Variants in TCF7L1 observed in about 807,000 individuals in gnomAD.
TCF7L1 encodes transcription factor 7-like 1.
TCF7L1 carries 18 observed loss-of-function variants against 63.7 expected under a neutral mutation model. The observed-to-expected ratio is 0.28, with a 90% CI of 0.20 to 0.42. The LOEUF (loss-of-function observed/expected upper bound fraction) is 0.42, where lower values mean the gene tolerates loss of function less well. TCF7L1 is among the 10% of genes least tolerant of loss of function. The pLI is 1.00. For missense variants in TCF7L1, 654 were observed against 779.3 expected (o/e 0.84, Z 1.91); for synonymous variants, 355 against 340.9 (o/e 1.04, Z -0.46).
At position 85,134,272 on chromosome 2, in the gene TCF7L1, G is replaced by T; in HGVS notation, c.314-51G>T. 1 of 1,518,830 alleles carries T rather than the reference G, an allele frequency of 6.6e-7. No individual in the cohort carries two copies. Among genetic ancestry groups the T allele is most frequent in the South Asian group, 1.3e-5 (1 of 80,000 alleles). 94.1% of individuals were successfully genotyped at this position (1,518,830 alleles called of 1,614,324 possible). A position where few individuals can be genotyped will look rare whatever the true frequency, so the allele number is the denominator to read the frequency against. On this transcript the variant is annotated intron_variant, in intron 2 of 11. Coordinates refer to ENST00000282111, the MANE Select transcript of TCF7L1 (RefSeq NM_031283.3). This position sits in a 1 kb window ranked among gnomAD's most constrained non-coding sequence, Gnocchi z 5.0. ...CCCGCCTCGAGCCCCCTGCCGCGGC[G>T]CTGTCAGTCCCGGGGGCCTGGGCCT...
chr2:85,212,058 C>G (rs1405400053), intron 3 of TCF7L1, among the ~76,000 whole-genome samples: 3 of 139,328 alleles, frequency 2.2e-5, no homozygotes, highest in Non-Finnish European at 4.6e-5. Context: ...CCGCTGCACT[C>G]CAGCCTGGGC....
At chr2:85,206,573 G>A (rs538018203) in intron 3 of TCF7L1, among the ~76,000 whole-genome samples, 32 of 152,280 alleles carry the variant, frequency 2.1e-4, no homozygotes, top group African/African-American at 7.5e-4. Flanking sequence ...CTCACAGCTA[G>A]CATGTGGCCG....
chr2:85,261,928 G>T (rs866331838), intron 3 of TCF7L1, among the ~76,000 whole-genome samples: 5 of 152,134 alleles, frequency 3.3e-5, no homozygotes, highest in Non-Finnish European at 4.4e-5. Context: ...TTGCCATCTT[G>T]TAATAACATA....
intron 3 of TCF7L1, among the ~76,000 whole-genome samples, chr2:85,221,895 T>G (rs1005552988): frequency 2.6e-5 from 4 of 151,374 alleles, no homozygotes; most frequent in African/African-American, 9.8e-5. Flanking sequence ...CATGTTAGAT[T>G]GACACCATGA....
intron 3 of TCF7L1, among the ~76,000 whole-genome samples, chr2:85,219,812 A>G (rs1679803700): frequency 6.6e-6 from 1 of 152,222 alleles, no homozygotes; most frequent in Admixed American, 6.5e-5. Context: ...TGATAATTGC[A>G]TTTGGTTATA....
intron 3 of TCF7L1, among the ~76,000 whole-genome samples, chr2:85,272,651 C>T (rs182316160): frequency 3.3e-5 from 5 of 152,080 alleles, no homozygotes; most frequent in Admixed American, 1.3e-4. Context: ...AAAAATTAGC[C>T]GGGTGGTGTG....
chr2:85,229,084 C>T (rs959000103), intron 3 of TCF7L1, among the ~76,000 whole-genome samples: 5 of 151,042 alleles, frequency 3.3e-5, no homozygotes, highest in Non-Finnish European at 7.4e-5. Flanking sequence ...CGGTGGCTCA[C>T]GCCTGTAATC....
At chr2:85,151,301 A>G (rs1252818458) in intron 3 of TCF7L1, among the ~76,000 whole-genome samples, 1 of 152,112 alleles carries the variant, frequency 6.6e-6, no homozygotes, top group Non-Finnish European at 1.5e-5. Context: ...GCTAAGTGCA[A>G]CCTCATGATA....
chr2:85,271,272 C>G (rs1305009020), intron 3 of TCF7L1, among the ~76,000 whole-genome samples: 6 of 152,112 alleles, frequency 3.9e-5, no homozygotes, highest in Non-Finnish European at 8.8e-5. Flanking sequence ...GCCACCACAC[C>G]CGGCTAATTT....
rs2583549 is a variant in TCF7L1 at position 85,192,661 on chromosome 2, G to A, written c.441+58211G>A. 5.3e-5 allele frequency among the ~76,000 whole-genome samples: 8 copies of A among 151,186 alleles called. No individual in the cohort carries two copies. The East Asian group carries it at 7.8e-4, about 15-fold the overall frequency. On this transcript the variant is annotated intron_variant, in intron 3 of 11. Transcript: ENST00000282111. ...GCCTCCCAGAGTGCTGGGATTACAC[G>A]TGTGAGCCGTGGCACCTGGCCTAAC... is the stretch of plus-strand genomic sequence containing the variant.
rs539599548 is a variant in TCF7L1 at position 85,194,850 on chromosome 2, C to T, written c.441+60400C>T. On this transcript the variant is annotated intron_variant, in intron 3 of 11. Coordinates refer to ENST00000282111, the MANE Select transcript of TCF7L1 (RefSeq NM_031283.3). Reference sequence around the variant, plus strand: ...GAGTCTCTGTTGCAAGCTTTTAGTTCGCAGGCACACTGGTTCAAGTTTAAT... The same window carrying T: ...GAGTCTCTGTTGCAAGCTTTTAGTTTGCAGGCACACTGGTTCAAGTTTAAT... 1.5e-3 allele frequency among the ~76,000 whole-genome samples: 235 copies of T among 152,268 alleles called. 1 individual carries two copies. Among genetic ancestry groups the T allele is most frequent in the African/African-American group, 5.3e-3 (219 of 41,562 alleles).
chr2:85,134,353 A>G lies in TCF7L1; in HGVS notation c.344A>G (p.Lys115Arg), dbSNP rs1016676180. ...VRRPQDSAFF[K>R]GPPYPGYPFL... ...AGGCCTCAGGACAGCGCGTTCTTTA[A>G]AGGACCCCCGTACCCTGGGTACCCC... The change falls in exon 3 of 12, where the codon AAA becomes AGA. Residue 115 changes from lysine to arginine, a missense_variant. Transcript: ENST00000282111. This position sits in a 1 kb window ranked among gnomAD's most constrained non-coding sequence, Gnocchi z 5.0. 1 of 1,584,476 alleles carries G rather than the reference A, an allele frequency of 6.3e-7. No individual in the cohort carries two copies. Among genetic ancestry groups the G allele is most frequent in the African/African-American group, 1.3e-5 (1 of 74,212 alleles).
At chr2:85,244,683 TG>T (rs1415133428) in intron 3 of TCF7L1, among the ~76,000 whole-genome samples, 3 of 151,702 alleles carry the variant, frequency 2.0e-5, no homozygotes, top group Admixed American at 2.0e-4. Context: ...GAGTGATAGG[TG>T]GGGTAATTGG....
chr2:85,274,652 C>T (rs1386020656), intron 3 of TCF7L1, among the ~76,000 whole-genome samples: 1 of 152,252 alleles, frequency 6.6e-6, no homozygotes, highest in Non-Finnish European at 1.5e-5. Flanking sequence ...CCTTCAGTGA[C>T]TCATCGTGGT....
intron 3 of TCF7L1, among the ~76,000 whole-genome samples, chr2:85,215,787 G>A (rs1679690319): frequency 1.3e-5 from 2 of 150,442 alleles, no homozygotes; most frequent in Admixed American, 6.6e-5. Context: ...TGAGGGGGGT[G>A]GTGAGGTTTG....
intron 3 of TCF7L1, among the ~76,000 whole-genome samples, chr2:85,150,142 T>C (rs190951560): frequency 6.6e-6 from 1 of 152,336 alleles, no homozygotes; most frequent in East Asian, 1.9e-4. Flanking sequence ...TTTTTTTGGC[T>C]TTAGGATGAG....
chr2:85,169,896 A>G (rs1055198827), intron 3 of TCF7L1, among the ~76,000 whole-genome samples: 4 of 152,202 alleles, frequency 2.6e-5, no homozygotes, highest in Non-Finnish European at 5.9e-5. Context: ...GGATTTTTTA[A>G]GATAATGTTT....
chr2:85,169,786 C>T (rs954523905), intron 3 of TCF7L1, among the ~76,000 whole-genome samples: 1 of 152,180 alleles, frequency 6.6e-6, no homozygotes, highest in Non-Finnish European at 1.5e-5. Context: ...CAGGGCCACA[C>T]AGCCCTGGTC....
At chr2:85,183,176 T>A (rs1421848570) in intron 3 of TCF7L1, among the ~76,000 whole-genome samples, 1 of 152,184 alleles carries the variant, frequency 6.6e-6, no homozygotes, top group African/African-American at 2.4e-5. Context: ...TAACCTGGTA[T>A]CTGCCTGAAA....
Sources: allele counts gnomAD v4.1 joint callset (sites outside exome capture counted in the v4.1 genomes callset), GRCh38; gene constraint gnomAD v4.1.1; non-coding constraint Gnocchi (gnomAD v3.1); transcripts MANE v1.5; gene names NCBI Gene and HGNC (gene_info 2026-07-23, HGNC 2026-07-21).